Variants in ANKRD6 observed in about 807,000 individuals in gnomAD.
ANKRD6 encodes the protein ankyrin repeat domain 6.
ANKRD6 carries 56 observed loss-of-function variants against 82.3 expected under a neutral mutation model. The ratio of observed to expected loss-of-function variants is 0.68; its 90% CI spans 0.55 to 0.85. The LOEUF is 0.85. Among genes scored for constraint, ANKRD6 ranks in the 40% least tolerant of loss-of-function variants. The pLI, the probability that ANKRD6 is intolerant of heterozygous loss-of-function variation, is 0.00. For missense variants in ANKRD6, 852 were observed against 907.6 expected, an observed-to-expected ratio of 0.94 and a Z score of 0.79; for synonymous variants, 347 against 352.1, an observed-to-expected ratio of 0.99 and a Z score of 0.16.
chr6:89,450,933 C>T (rs1772733459), intron 1 of ANKRD6, among the ~76,000 whole-genome samples: 1 of 152,144 alleles, frequency 6.6e-6, no homozygotes. Context: ...TTGTGTGACT[C>T]ATTTTATTGT....
At chr6:89,593,549 A>C (rs1795299709) in intron 2 of ANKRD6, among the ~76,000 whole-genome samples, 1 of 152,206 alleles carries the variant, frequency 6.6e-6, no homozygotes. Context: ...TTCCAGAATC[A>C]TTCTAGTGCT....
chr6:89,590,312 G>A (rs1794629273), intron 2 of ANKRD6, among the ~76,000 whole-genome samples: 1 of 152,008 alleles, frequency 6.6e-6, no homozygotes, highest in African/African-American at 2.4e-5. Context: ...GTCCAGGGAG[G>A]GTTTATCCTG....
intron 5 of ANKRD6, among the ~76,000 whole-genome samples, chr6:89,606,796 C>A (rs1228063664): frequency 6.7e-6 from 1 of 150,190 alleles, no homozygotes; most frequent in African/African-American, 2.5e-5. Context: ...GCAGAGGTTA[C>A]AGTGAGCCAA....
rs765458460 is a variant in ANKRD6 at position 89,606,089 on chromosome 6, T to A, written c.401T>A (p.Val134Glu). ...CTGCTCATTAAAGCAGGAGCCAACG[T>A]GCTTGCCAAGAACAAGGTGAGGCCT... is the stretch of plus-strand genomic sequence containing the variant. ...AKLLIKAGANVLAKNKAGNTA... is the reference protein window; with the variant it reads ...AKLLIKAGANELAKNKAGNTA... The change falls in exon 5 of 16, where the codon GTG (valine) becomes GAG (glutamate). Residue 134 changes from valine to glutamate, a missense_variant. Transcript: ENST00000339746. The A allele has an allele frequency of 1.3e-6, 2 of 1,574,708 alleles. No homozygotes were observed. Among genetic ancestry groups the A allele is most frequent in the Admixed American group, 3.7e-5 (2 of 54,730 alleles).
intron 13 of ANKRD6, 77 bp downstream of exon 13, chr6:89,624,768 G>C: frequency 6.6e-7 from 1 of 1,506,936 alleles, no homozygotes; most frequent in Non-Finnish European, 8.9e-7. Context: ...TTCGACTTTA[G>C]CACACCCTTC....
intron 5 of ANKRD6, among the ~76,000 whole-genome samples, chr6:89,610,796 CAAAACTTA>C (rs1800037935): frequency 8.3e-6 from 1 of 120,508 alleles, no homozygotes; most frequent in Non-Finnish European, 1.6e-5. Flanking sequence ...GGAAAAAAAA[CAAAACTTA>C]AAAAAAAAAA....
chr6:89,618,144 AC>A, intron 9 of ANKRD6, 113 bp downstream of exon 9: 1 of 1,211,362 alleles, frequency 8.3e-7, no homozygotes, highest in Non-Finnish European at 1.2e-6. Flanking sequence ...ATGGAATGTA[AC>A]CAGGCAGTGG....
At chr6:89,598,275 C>T (rs1019672510) in intron 3 of ANKRD6, 3 of 985,254 alleles carry the variant, frequency 3.0e-6, no homozygotes, top group Non-Finnish European at 3.6e-6. Flanking sequence ...GCGCTAATGC[C>T]ATCTCTGATT....
chr6:89,567,054 G>A lies in ANKRD6; in HGVS notation c.78G>A (p.Val26=). The change falls in exon 2 of 16, where the codon GTG becomes GTA. Residue 26 remains valine (V), a synonymous_variant. Transcript: ENST00000339746. ...CGTACAAAGGCCAAACAGAGAATGT[G>A]GTTCAGCTCATCAACAAGGGCGCCA... ...VAAYKGQTEN[V]VQLINKGARV... 1 of 1,606,702 alleles carries A rather than the reference G, an allele frequency of 6.2e-7. No homozygotes were observed. The highest frequency in any genetic ancestry group is 8.5e-7 in the Non-Finnish European group (1 of 1,176,448).
intron 1 of ANKRD6, chr6:89,562,482 TG>T (rs1165349848): frequency 2.6e-5 from 4 of 152,234 alleles, no homozygotes; most frequent in Non-Finnish European, 5.9e-5. Flanking sequence ...CTTGCATTAC[TG>T]CTGAAATTAT....
chr6:89,612,074 A>G (rs1027644972), intron 5 of ANKRD6, among the ~76,000 whole-genome samples, 198 bp from the exon 6 acceptor site: 2 of 152,242 alleles, frequency 1.3e-5, no homozygotes, highest in Non-Finnish European at 1.5e-5. Flanking sequence ...TTTATGACAA[A>G]TAGGACTCTT....
In ANKRD6 at chr6:89,542,526, A is replaced by G. The variant is rs1784562849; in HGVS notation, c.-143-24308A>G. Among the ~76,000 whole-genome samples the G allele has an allele frequency of 5.9e-5, 9 of 152,270 alleles. No homozygotes were observed. The South Asian group carries it at 1.9e-3, about 32-fold the overall frequency. On this transcript the variant is annotated intron_variant, in intron 1 of 15. Transcript: ENST00000339746. ...ACCACCCCCCCGCTTCCCGAGACAC[A>G]GGAGGCATAGATAGTATACAAAACC...
At chr6:89,575,756 CAAA>C (rs1790985160) in intron 2 of ANKRD6, among the ~76,000 whole-genome samples, 1 of 152,132 alleles carries the variant, frequency 6.6e-6, no homozygotes, top group African/African-American at 2.4e-5. Flanking sequence ...GTGACTTGTT[CAAA>C]TAGGGCATGC....
At chr6:89,533,580 G>A (rs941911172) in intron 1 of ANKRD6, among the ~76,000 whole-genome samples, 1 of 152,096 alleles carries the variant, frequency 6.6e-6, no homozygotes, top group Admixed American at 6.6e-5. Flanking sequence ...CCAGTAAATG[G>A]GAGCAAGAGA....
chr6:89,591,395 C>A (rs866816161), intron 2 of ANKRD6, among the ~76,000 whole-genome samples: 1 of 152,200 alleles, frequency 6.6e-6, no homozygotes, highest in Non-Finnish European at 1.5e-5. Flanking sequence ...AACCACCTTG[C>A]CTGGCCCAAA....
At chr6:89,545,278 T>A (rs1056359113) in intron 1 of ANKRD6, among the ~76,000 whole-genome samples, 1 of 151,730 alleles carries the variant, frequency 6.6e-6, no homozygotes, top group Non-Finnish European at 1.5e-5. Context: ...TCGGGGGAAT[T>A]TGGGAGTTCA....
chr6:89,492,893 G>A (rs1395459666), intron 1 of ANKRD6, among the ~76,000 whole-genome samples: 6 of 152,082 alleles, frequency 3.9e-5, no homozygotes, highest in African/African-American at 7.2e-5. Flanking sequence ...TGAAAGTCTT[G>A]TGTCTTTTCA....
At chr6:89,575,239 T>C (rs1017826095) in intron 2 of ANKRD6, among the ~76,000 whole-genome samples, 1 of 152,188 alleles carries the variant, frequency 6.6e-6, no homozygotes, top group African/African-American at 2.4e-5. Flanking sequence ...GTTAGAGTAA[T>C]ATTTTTAAGT....
chr6:89,568,702 G>C (rs1789084814), intron 2 of ANKRD6, among the ~76,000 whole-genome samples: 1 of 152,024 alleles, frequency 6.6e-6, no homozygotes, highest in African/African-American at 2.4e-5. Context: ...AGGGTCTGCT[G>C]TCTCTCCTTC....
Sources: gnomAD v4.1 joint callset for allele counts (sites outside exome capture counted in the v4.1 genomes callset) on GRCh38, gnomAD v4.1.1 for gene constraint, MANE v1.5 for transcripts, NCBI Gene and HGNC (gene_info 2026-07-23, HGNC 2026-07-21) for gene names.